EIF3B: variants seen among roughly 807,000 people sequenced by gnomAD.
EIF3B encodes eukaryotic translation initiation factor 3 subunit 9.
EIF3B carries 10 observed loss-of-function variants against 104.6 expected under a neutral mutation model. The ratio of observed to expected loss-of-function variants is 0.10; its 90% CI spans 0.06 to 0.16. The LOEUF is 0.16. Among genes scored for constraint, EIF3B ranks in the 10% least tolerant of loss-of-function variants. EIF3B has a pLI of 1.00. For synonymous variants in EIF3B, 542 were observed against 417.2 expected (o/e 1.30, Z -3.65); for missense variants, 1,014 against 1,087.9 (o/e 0.93, Z 0.96).
chr7:2,376,740 G>A (rs949251566), intron 14 of EIF3B: 17 of 604,710 alleles, frequency 2.8e-5, no homozygotes, highest in African/African-American at 2.3e-4. Context: ...CGCTGCTCCA[G>A]CTGCTCCGTG....
intron 6 of EIF3B, among the ~76,000 whole-genome samples, 157 bp downstream of exon 6, chr7:2,364,686 G>T (rs1306871540): frequency 6.6e-6 from 1 of 152,170 alleles, no homozygotes; most frequent in East Asian, 1.9e-4. Context: ...CTCACATTTG[G>T]TTGCATTTAC....
At chr7:2,354,783 C>T (rs1478704803), upstream of EIF3B, 2 of 845,090 alleles carry the variant, frequency 2.4e-6, no homozygotes, top group Admixed American at 6.0e-5. Context: ...CGTGGGTGCG[C>T]CCCCCGCCCC....
intron 9 of EIF3B, among the ~76,000 whole-genome samples, chr7:2,368,943 G>A (rs535522753): frequency 2.6e-5 from 4 of 152,182 alleles, no homozygotes; most frequent in Admixed American, 6.6e-5. Flanking sequence ...AGCACATAGC[G>A]TGTATAAAGA....
chr7:2,362,591 A>C (rs1779792744), intron 2 of EIF3B, 54 bp from the exon 3 acceptor site: 22 of 1,609,364 alleles, frequency 1.4e-5, no homozygotes, highest in South Asian at 1.3e-4. Flanking sequence ...CGGACAGCGC[A>C]TACCTGCCTA....
intron 15 of EIF3B, chr7:2,378,160 G>C (rs1190133151): frequency 2.1e-5 from 2 of 95,048 alleles, no homozygotes; most frequent in Non-Finnish European, 4.2e-5. Flanking sequence ...GAATGACCCT[G>C]GGTGTCAAGG....
rs1290347562 is a variant in EIF3B at position 2,369,488 on chromosome 7, C to T, written c.1420C>T (p.Pro474Ser). 16 of 1,614,102 alleles carry T rather than the reference C, an allele frequency of 9.9e-6. No homozygotes were observed. In the Admixed American group the frequency reaches 1.8e-4, roughly 18 times the overall value. ...GTTCTGCAGAGACTTTTCTTGGTCTCCTGGTGGTAACATAATCGCCTTCTG... is the reference window on the plus strand; with the variant it reads ...GTTCTGCAGAGACTTTTCTTGGTCTTCTGGTGGTAACATAATCGCCTTCTG... ...ISGIKDFSWS[P>S]GGNIIAFWVP... The change falls in exon 10 of 19, where the codon CCT becomes TCT. Residue 474 changes from proline to serine, a missense_variant. Around this residue, in one of 4 missense-constraint regions of EIF3B, gnomAD observed 201 missense variants for 240.7 expected, o/e 0.83. Transcript: ENST00000360876.
intron 3 of EIF3B, 34 bp from the exon 4 acceptor site, chr7:2,363,036 G>C: frequency 6.2e-7 from 1 of 1,611,950 alleles, no homozygotes; most frequent in Non-Finnish European, 8.5e-7. Flanking sequence ...TAGTCGTCAG[G>C]GCGTGGGGCT....
In EIF3B at chr7:2,375,432, G is replaced by A. The variant is rs1444966876; in HGVS notation, c.1933G>A (p.Val645Ile). The A allele has an allele frequency of 3.7e-6, 6 of 1,614,110 alleles. No homozygotes were observed. Among genetic ancestry groups the A allele is most frequent in the African/African-American group, 1.3e-5 (1 of 74,940 alleles). Residue 645 changes from valine to isoleucine, a missense_variant, in exon 14 of 19, where the codon GTC becomes ATC. Val to Ile is a conservative substitution (Grantham distance 29). Coordinates refer to ENST00000360876, the MANE Select transcript of EIF3B (RefSeq NM_001037283.2). Reference protein sequence around the residue: ...LAFVDTSDCTVMNIAEHYMAS... With the variant: ...LAFVDTSDCTIMNIAEHYMAS... ...GTTTGTGGACACTTCGGACTGCACG[G>A]TCATGAACATCGCAGAGCACTACAT...
chr7:2,356,614 A>G (rs547560155), intron 1 of EIF3B, among the ~76,000 whole-genome samples: 3 of 147,158 alleles, frequency 2.0e-5, no homozygotes, highest in African/African-American at 8.0e-5. Flanking sequence ...AAAAAAAAAA[A>G]AAAAGAAAAA....
chr7:2,365,317 A>C (rs7810812), intron 6 of EIF3B, among the ~76,000 whole-genome samples: 47,788 of 151,918 alleles, frequency 0.31, 9,135 homozygotes, highest in African/African-American at 0.55. Context: ...CGGTTGTGGG[A>C]GGCAGTGTGA....
At chr7:2,366,726 T>C in intron 8 of EIF3B, 135 bp downstream of exon 8, 1 of 1,016,800 alleles carries the variant, frequency 9.8e-7, no homozygotes, top group Non-Finnish European at 1.5e-6. Context: ...CTCCTGTGCC[T>C]TTTTAACTGC....
rs62444163 is a variant in EIF3B, at chr7:2,365,246, G to A, written c.1157+717G>A. 5.4e-3 allele frequency among the ~76,000 whole-genome samples: 827 copies of A among 152,300 alleles called. 4 individuals are homozygous for A. The highest frequency in any genetic ancestry group is 9.2e-3 in the Non-Finnish European group (623 of 68,022). ...ATTACAGGCGTGAGCCACCGCACCTGGCCGAGCCGTGATTTTTGATCTAGC... is the reference window on the plus strand; with the variant it reads ...ATTACAGGCGTGAGCCACCGCACCTAGCCGAGCCGTGATTTTTGATCTAGC... On this transcript the variant is annotated intron_variant, in intron 6 of 18. Transcript: ENST00000360876.
In EIF3B at chr7:2,366,579, C is replaced by T; in HGVS notation, c.1344C>T (p.Ile448=). The change falls in exon 8 of 19, where the codon ATC becomes ATT. Residue 448 remains isoleucine, a synonymous_variant. Transcript: ENST00000360876. Reference sequence around the variant, plus strand: ...GAATGACCCTGGATACGCTTAGCATCTATGAAACTCCTGTAAGTGGCCTCA... The same window carrying T: ...GAATGACCCTGGATACGCTTAGCATTTATGAAACTCCTGTAAGTGGCCTCA... ...FARMTLDTLS[I]YETPSMGLLD... is the part of the protein sequence containing the mutation. 1 of 1,614,228 alleles carries T rather than the reference C, an allele frequency of 6.2e-7. No homozygotes were observed. The highest frequency in any genetic ancestry group is 8.5e-7 in the Non-Finnish European group (1 of 1,180,050).
chr7:2,372,846 A>T, intron 12 of EIF3B, 51 bp downstream of exon 12: 2 of 1,589,158 alleles, frequency 1.3e-6, no homozygotes, highest in Non-Finnish European at 1.7e-6. Context: ...ACAGATGATG[A>T]CCCAGTCGCT....
chr7:2,370,438 G>A (rs931226525), intron 10 of EIF3B, among the ~76,000 whole-genome samples: 2 of 151,912 alleles, frequency 1.3e-5, no homozygotes. Context: ...GCGAGATTGC[G>A]CCACTGCACC....
intron 9 of EIF3B, among the ~76,000 whole-genome samples, 199 bp from the exon 10 acceptor site, chr7:2,369,273 G>T (rs1780192391): frequency 6.6e-6 from 1 of 152,242 alleles, no homozygotes; most frequent in Non-Finnish European, 1.5e-5. Flanking sequence ...AGTGAGCACA[G>T]TAGTGCCACA....
intron 1 of EIF3B, among the ~76,000 whole-genome samples, chr7:2,358,407 T>C (rs1405150534): frequency 6.6e-6 from 1 of 151,964 alleles, no homozygotes; most frequent in Non-Finnish European, 1.5e-5. Flanking sequence ...TCCGAAAGTG[T>C]TTTTTTGAGA....
At chr7:2,355,886 C>T (rs1779399567) in intron 1 of EIF3B, among the ~76,000 whole-genome samples, 1 of 152,184 alleles carries the variant, frequency 6.6e-6, no homozygotes, top group South Asian at 2.1e-4. Context: ...TGTCCTCCTG[C>T]CCCTCAGAAT....
chr7:2,361,991 G>A (rs1273796386), intron 2 of EIF3B, among the ~76,000 whole-genome samples: 1 of 142,014 alleles, frequency 7.0e-6, no homozygotes, highest in Non-Finnish European at 1.5e-5. Context: ...ACAGAGTCTT[G>A]CTCTGTCACC....
Sources: allele counts gnomAD v4.1 joint callset (sites outside exome capture counted in the v4.1 genomes callset), GRCh38; gene constraint gnomAD v4.1.1; regional missense constraint gnomAD v4.1.1; transcripts MANE v1.5; gene names NCBI Gene and HGNC (gene_info 2026-07-23, HGNC 2026-07-21).